The following TNIK variants were observed in gnomAD, a reference collection of about 807,000 sequenced individuals.
The protein encoded by TNIK is TRAF2 and NCK-interacting protein kinase.
In TNIK, 49 loss-of-function variants were observed where a neutral mutation model predicts 191.3. The ratio of observed to expected loss-of-function variants is 0.26; its 90% confidence interval spans 0.20 to 0.32. The LOEUF is 0.32. TNIK is among the 10% of genes least tolerant of loss of function. The probability of loss-of-function intolerance (pLI) is 1.00; values close to 1 mark genes in which losing one functional copy is unlikely to be tolerated. For missense variants in TNIK, 1,155 were observed against 1,702.3 expected (o/e 0.68, Z 5.66); for synonymous variants, 594 against 600.9 (o/e 0.99, Z 0.17).
chr3:171,127,156 C>T (rs1728591800), intron 16 of TNIK, among the ~76,000 whole-genome samples: 2 of 152,194 alleles, frequency 1.3e-5, no homozygotes, highest in South Asian at 4.1e-4. Flanking sequence ...CTAAATTACA[C>T]TGTTAATTCA....
intron 2 of TNIK, among the ~76,000 whole-genome samples, chr3:171,235,959 G>A (rs1744214366): frequency 6.6e-6 from 1 of 152,134 alleles, no homozygotes; most frequent in African/African-American, 2.4e-5. Flanking sequence ...AATAGCCTGT[G>A]TGAATTGTAT....
intron 2 of TNIK, among the ~76,000 whole-genome samples, chr3:171,350,357 T>G (rs1712941771): frequency 6.6e-6 from 1 of 152,088 alleles, no homozygotes; most frequent in African/African-American, 2.4e-5. Flanking sequence ...GGCTGTTTGA[T>G]CCAGGATTCT....
At chr3:171,206,038 C>A (rs1172078111) in intron 4 of TNIK, among the ~76,000 whole-genome samples, 1 of 152,164 alleles carries the variant, frequency 6.6e-6, no homozygotes, top group East Asian at 1.9e-4. Context: ...TACCTGCATT[C>A]CCAATTAGTA....
At chr3:171,455,746 G>A (rs922168552) in intron 1 of TNIK, among the ~76,000 whole-genome samples, 8 of 152,194 alleles carry the variant, frequency 5.3e-5, no homozygotes, top group African/African-American at 1.9e-4. Flanking sequence ...ATGGTTAAAT[G>A]TCCTACCCAA....
intron 2 of TNIK, among the ~76,000 whole-genome samples, chr3:171,355,009 C>T (rs1489789208): frequency 6.6e-6 from 1 of 152,116 alleles, no homozygotes; most frequent in Non-Finnish European, 1.5e-5. Context: ...GTATTTTCCC[C>T]CATCCCCTGT....
intron 4 of TNIK, among the ~76,000 whole-genome samples, chr3:171,199,729 A>G (rs200636043): frequency 6.6e-6 from 1 of 152,178 alleles, no homozygotes; most frequent in Non-Finnish European, 1.5e-5. Flanking sequence ...TCTCCCCACC[A>G]CTACCACTAT....
At chr3:171,250,936 T>G (rs78459382) in intron 2 of TNIK, among the ~76,000 whole-genome samples, 1 of 152,344 alleles carries the variant, frequency 6.6e-6, no homozygotes, top group African/African-American at 2.4e-5. Context: ...CAAAATACAG[T>G]GTACATTATT....
chr3:171,216,928 A>G (rs1366290033), intron 3 of TNIK, among the ~76,000 whole-genome samples: 2 of 152,092 alleles, frequency 1.3e-5, no homozygotes, highest in East Asian at 1.9e-4. Flanking sequence ...TCATTTTAGC[A>G]TTGATAGGAC....
chr3:171,330,433 C>G (rs1294184985), intron 2 of TNIK, among the ~76,000 whole-genome samples: 1 of 152,180 alleles, frequency 6.6e-6, no homozygotes, highest in Non-Finnish European at 1.5e-5. Flanking sequence ...GATAGCCAAC[C>G]AAATTGTCTC....
chr3:171,453,019 A>T (rs553541860), intron 1 of TNIK, among the ~76,000 whole-genome samples: 11 of 152,232 alleles, frequency 7.2e-5, no homozygotes, highest in African/African-American at 2.6e-4. Flanking sequence ...GTAATTCATG[A>T]TCCCTGAAAT....
chr3:171,445,943 C>T (rs1055701974), intron 1 of TNIK, among the ~76,000 whole-genome samples: 1 of 152,096 alleles, frequency 6.6e-6, no homozygotes, highest in Non-Finnish European at 1.5e-5. Flanking sequence ...TTATGTTATT[C>T]GTGTTGTAGC....
chr3:171,440,794 A>T lies in TNIK; in HGVS notation c.57+19213T>A, dbSNP rs373465993. On this transcript the variant is annotated intron_variant, in intron 1 of 32. Coordinates refer to ENST00000436636, the MANE Select transcript of TNIK (RefSeq NM_015028.4). ...CACATTATGATAGGGGCTTGGGAAG[A>T]GTTTCAGGCAGCAGGAACAGTGTGC... Among the ~76,000 whole-genome samples, 11 of 152,308 alleles carry T rather than the reference A, an allele frequency of 7.2e-5. No homozygotes were observed. In the East Asian group the frequency reaches 1.2e-3, roughly 16 times the overall value.
At chr3:171,452,105 G>A (rs906908009) in intron 1 of TNIK, among the ~76,000 whole-genome samples, 1 of 152,180 alleles carries the variant, frequency 6.6e-6, no homozygotes, top group African/African-American at 2.4e-5. Flanking sequence ...GTATCCAGCA[G>A]CAACACTGTA....
intron 4 of TNIK, among the ~76,000 whole-genome samples, chr3:171,196,549 T>C (rs1738695043): frequency 6.6e-6 from 1 of 151,896 alleles, no homozygotes; most frequent in Non-Finnish European, 1.5e-5. Flanking sequence ...AGGATACTAG[T>C]CAAGACAAAG....
chr3:171,067,453 G>T (rs1051703512), intron 30 of TNIK, among the ~76,000 whole-genome samples: 5 of 151,840 alleles, frequency 3.3e-5, no homozygotes, highest in African/African-American at 1.2e-4. Flanking sequence ...GGCGGATCAC[G>T]ACGTCAGGAG....
At chr3:171,456,424 G>A (rs1038828) in intron 1 of TNIK, among the ~76,000 whole-genome samples, 110,865 of 152,168 alleles carry the variant, frequency 0.73, 41,233 homozygotes, top group African/African-American at 0.88. Flanking sequence ...ACGTGGATAC[G>A]GTTTATATCC....
At chr3:171,314,551 T>C (rs1223392822) in intron 2 of TNIK, among the ~76,000 whole-genome samples, 1 of 152,170 alleles carries the variant, frequency 6.6e-6, no homozygotes, top group Non-Finnish European at 1.5e-5. Context: ...AAGTAGCTGC[T>C]AAAAGATGAG....
At chr3:171,443,462 C>G (rs1727089976) in intron 1 of TNIK, among the ~76,000 whole-genome samples, 1 of 152,154 alleles carries the variant, frequency 6.6e-6, no homozygotes, top group Non-Finnish European at 1.5e-5. Flanking sequence ...GAAACTGCTC[C>G]AAACTTAGTT....
intron 1 of TNIK, among the ~76,000 whole-genome samples, chr3:171,433,649 C>G (rs1308349874): frequency 6.6e-6 from 1 of 151,894 alleles, no homozygotes; most frequent in African/African-American, 2.4e-5. Flanking sequence ...GATTAAAAAG[C>G]TATTCTTATC....
Sources: allele counts gnomAD v4.1 joint callset (sites outside exome capture counted in the v4.1 genomes callset), GRCh38; gene constraint gnomAD v4.1.1; transcripts MANE v1.5; gene names NCBI Gene and HGNC (gene_info 2026-07-23, HGNC 2026-07-21).